Variants in AGBL4 observed in about 807,000 individuals in gnomAD.
AGBL4 encodes cytosolic carboxypeptidase 6.
A neutral mutation model predicts 66.4 loss-of-function variants in AGBL4; 58 were observed. The ratio of observed to expected loss-of-function variants is 0.87; its 90% CI spans 0.71 to 1.09. The LOEUF (loss-of-function observed/expected upper bound fraction) is 1.09. Ranked by LOEUF, AGBL4 falls within the 50% of genes least tolerant of loss-of-function variation. The pLI, the probability that AGBL4 is intolerant of heterozygous loss-of-function variation, is 0.00. For synonymous variants in AGBL4, 234 were observed against 222.9 expected, an observed-to-expected ratio of 1.05 and a Z score of -0.44; for missense variants, 579 against 631.0, an observed-to-expected ratio of 0.92 and a Z score of 0.88.
rs559906645 is a variant in AGBL4, at chr1:49,903,620, T to C, written c.35-52102A>G. Among the ~76,000 whole-genome samples, 20 of 152,296 alleles carry C rather than the reference T, an allele frequency of 1.3e-4. No individual in the cohort carries two copies. The South Asian group carries it at 4.1e-3, about 32-fold the overall frequency. ...GGGTTAATATTACCTATCCCATAGA[T>C]TTCTATAAGAATTAAATGAATAATA... On this transcript the variant is annotated intron_variant, in intron 1 of 13. Coordinates refer to ENST00000371839, the MANE Select transcript of AGBL4 (RefSeq NM_032785.4).
chr1:49,864,868 G>A (rs570321856), intron 1 of AGBL4, among the ~76,000 whole-genome samples: 14 of 152,296 alleles, frequency 9.2e-5, no homozygotes, highest in South Asian at 4.1e-4. Flanking sequence ...CTGCTGGGGC[G>A]AGGGGAGGCG....
At chr1:49,174,534 C>T (rs1646796358) in intron 4 of AGBL4, among the ~76,000 whole-genome samples, 1 of 152,024 alleles carries the variant, frequency 6.6e-6, no homozygotes, top group Non-Finnish European at 1.5e-5. Flanking sequence ...TCCTTAGGGG[C>T]ATTTTTGATT....
intron 11 of AGBL4, among the ~76,000 whole-genome samples, chr1:48,543,020 C>A (rs567969600): frequency 6.6e-6 from 1 of 152,160 alleles, no homozygotes; most frequent in Non-Finnish European, 1.5e-5. Context: ...TAAGGGATTT[C>A]CCCAAATGTT....
chr1:49,384,974 G>A (rs1485768860), intron 3 of AGBL4, among the ~76,000 whole-genome samples: 1 of 152,182 alleles, frequency 6.6e-6, no homozygotes, highest in African/African-American at 2.4e-5. Context: ...ATTGGCAGGT[G>A]ACTGAGTGTA....
intron 4 of AGBL4, among the ~76,000 whole-genome samples, chr1:49,181,796 T>A (rs538680540): frequency 6.6e-6 from 1 of 152,172 alleles, no homozygotes; most frequent in African/African-American, 2.4e-5. Context: ...TCCAAACCAA[T>A]GAAGGCCCTG....
intron 3 of AGBL4, among the ~76,000 whole-genome samples, chr1:49,468,343 C>T (rs1424487802): frequency 2.6e-5 from 4 of 151,824 alleles, no homozygotes; most frequent in African/African-American, 9.7e-5. Flanking sequence ...GAGCTTAAGT[C>T]ATTTGGTCTC....
intron 1 of AGBL4, among the ~76,000 whole-genome samples, chr1:49,896,491 AC>A (rs1649217831): frequency 6.6e-6 from 1 of 151,950 alleles, no homozygotes; most frequent in African/African-American, 2.4e-5. Context: ...TATTTAAAGC[AC>A]TAATACCAAT....
At chr1:48,945,123 C>T (rs540496916) in intron 5 of AGBL4, among the ~76,000 whole-genome samples, 73 of 152,264 alleles carry the variant, frequency 4.8e-4, no homozygotes, top group Admixed American at 2.8e-3. Flanking sequence ...GAGGTCCCAA[C>T]TGAAAAGCTC....
intron 1 of AGBL4, among the ~76,000 whole-genome samples, chr1:49,972,579 C>G (rs1297183330): frequency 2.0e-5 from 3 of 151,998 alleles, no homozygotes; most frequent in Non-Finnish European, 4.4e-5. Context: ...CCTAGGAGCT[C>G]GAGAGCACAC....
chr1:48,951,549 G>A (rs1656984667), intron 5 of AGBL4, among the ~76,000 whole-genome samples: 2 of 152,306 alleles, frequency 1.3e-5, no homozygotes, highest in South Asian at 4.1e-4. Context: ...GAACACTCAT[G>A]AATGAGATTA....
At chr1:49,316,768 T>G (rs1645046452) in intron 3 of AGBL4, among the ~76,000 whole-genome samples, 1 of 151,890 alleles carries the variant, frequency 6.6e-6, no homozygotes, top group Admixed American at 6.6e-5. Context: ...ATTTTGTATC[T>G]GGAAATTTGT....
At chr1:48,672,718 G>A (rs1439110179) in intron 6 of AGBL4, among the ~76,000 whole-genome samples, 2 of 152,216 alleles carry the variant, frequency 1.3e-5, no homozygotes, top group African/African-American at 4.8e-5. Context: ...AGACATCACA[G>A]AGTAGAAATG....
At chr1:48,962,823 C>T (rs1658109953) in intron 5 of AGBL4, among the ~76,000 whole-genome samples, 1 of 152,042 alleles carries the variant, frequency 6.6e-6, no homozygotes, top group Non-Finnish European at 1.5e-5. Context: ...ATTACTGATT[C>T]AGCTCACAGA....
At chr1:49,936,412 T>C (rs930440860) in intron 1 of AGBL4, among the ~76,000 whole-genome samples, 3 of 152,194 alleles carry the variant, frequency 2.0e-5, no homozygotes, top group Non-Finnish European at 4.4e-5. Flanking sequence ...GAAAACACTC[T>C]GCAGGACATT....
At chr1:49,518,833 A>T (rs1024061051) in intron 3 of AGBL4, among the ~76,000 whole-genome samples, 1 of 152,096 alleles carries the variant, frequency 6.6e-6, no homozygotes, top group African/African-American at 2.4e-5. Context: ...GTCGTAACTA[A>T]AAGCAGGCCA....
chr1:49,254,764 A>C (rs1163499638), intron 3 of AGBL4, among the ~76,000 whole-genome samples: 3 of 152,212 alleles, frequency 2.0e-5, no homozygotes, highest in Non-Finnish European at 4.4e-5. Context: ...ACTTCAAACT[A>C]TACTACATGG....
In AGBL4 at chr1:48,736,345, T is replaced by C; in HGVS notation, c.635-73104A>G. ...CGCTTCTGTTTTTCAGAACATCTGT[T>C]CCCCAAATCATAACTGCCAAGTTCT... On this transcript the variant is annotated intron_variant, in intron 6 of 13. Coordinates refer to ENST00000371839, the MANE Select transcript of AGBL4 (RefSeq NM_032785.4). This position sits in a 1 kb window ranked among gnomAD's most constrained non-coding sequence, Gnocchi z 4.0. The C allele has an allele frequency of 6.2e-7, 1 of 1,614,184 alleles. No individual in the cohort carries two copies. Among genetic ancestry groups the C allele is most frequent in the South Asian group, 1.1e-5 (1 of 91,084 alleles).
chr1:49,076,246 G>A (rs145184156), intron 4 of AGBL4, among the ~76,000 whole-genome samples: 38 of 152,220 alleles, frequency 2.5e-4, no homozygotes, highest in African/African-American at 7.9e-4. Flanking sequence ...AATTGCAGAC[G>A]CTCAAGTCCC....
chr1:49,237,280 A>AT (rs985247222), intron 4 of AGBL4, among the ~76,000 whole-genome samples: 1 of 150,728 alleles, frequency 6.6e-6, no homozygotes, highest in African/African-American at 2.4e-5. Context: ...CTAAAAAAAA[A>AT]AACCCCCCAA....
Sources: gnomAD v4.1 joint callset for allele counts (sites outside exome capture counted in the v4.1 genomes callset) on GRCh38, gnomAD v4.1.1 for gene constraint, Gnocchi (gnomAD v3.1) non-coding constraint, MANE v1.5 for transcripts, NCBI Gene and HGNC (gene_info 2026-07-23, HGNC 2026-07-21) for gene names.